SORL1: variants seen among roughly 807,000 people sequenced by gnomAD.
SORL1 encodes sortilin related receptor 1.
SORL1 carries 127 observed loss-of-function variants against 273.7 expected under a neutral mutation model. The ratio of observed to expected loss-of-function variants is 0.46; its 90% CI spans 0.40 to 0.54. SORL1 has a LOEUF of 0.54. SORL1 is among the 20% of genes least tolerant of loss of function. The probability of loss-of-function intolerance (pLI) is 0.00; values close to 1 mark genes in which losing one functional copy is unlikely to be tolerated. For missense variants in SORL1, 2,494 were observed against 2,846.1 expected (o/e 0.88, Z 2.81); for synonymous variants, 1,031 against 1,067.4 (o/e 0.97, Z 0.66).
At chr11:121,619,273 A>T (rs905712345) in intron 42 of SORL1, among the ~76,000 whole-genome samples, 2 of 152,238 alleles carry the variant, frequency 1.3e-5, no homozygotes, top group African/African-American at 4.8e-5. Context: ...AAGCAACTTA[A>T]ATGTCTATGA....
chr11:121,549,441 G>A (rs1862476327), intron 14 of SORL1, among the ~76,000 whole-genome samples: 1 of 151,930 alleles, frequency 6.6e-6, no homozygotes, highest in Admixed American at 6.6e-5. Context: ...TGCCCATGTT[G>A]GTCTGGAGCT....
At chr11:121,580,701 C>T (rs900319416) in intron 25 of SORL1, among the ~76,000 whole-genome samples, 4 of 149,138 alleles carry the variant, frequency 2.7e-5, no homozygotes, top group African/African-American at 9.9e-5. Flanking sequence ...ACCTCCTGGG[C>T]TCAATCCATC....
At chr11:121,498,312 A>G (rs1213952942) in intron 6 of SORL1, among the ~76,000 whole-genome samples, 1 of 152,218 alleles carries the variant, frequency 6.6e-6, no homozygotes, top group African/African-American at 2.4e-5. Context: ...ATCAGGCCCA[A>G]GCACTGGTGC....
intron 41 of SORL1, among the ~76,000 whole-genome samples, chr11:121,617,142 G>C (rs941229110): frequency 6.6e-6 from 1 of 152,324 alleles, no homozygotes; most frequent in East Asian, 1.9e-4. Context: ...AGGGGAAATA[G>C]ATGACAGATG....
chr11:121,552,466 C>T (rs1019648151), intron 16 of SORL1, among the ~76,000 whole-genome samples: 1 of 152,124 alleles, frequency 6.6e-6, no homozygotes, highest in East Asian at 1.9e-4. Flanking sequence ...AAAAAAAGCC[C>T]AGAGTGACAG....
intron 6 of SORL1, among the ~76,000 whole-genome samples, chr11:121,510,627 A>G (rs1461157496): frequency 6.6e-6 from 1 of 152,184 alleles, no homozygotes; most frequent in East Asian, 1.9e-4. Flanking sequence ...ATTGACTAGT[A>G]CTTAGTCACG....
In SORL1 at chr11:121,550,187, T is replaced by C; in HGVS notation, c.2180+99T>C. 7.8e-7 allele frequency: 1 copy of C among 1,280,878 alleles called. No homozygotes were observed. Among genetic ancestry groups the C allele is most frequent in the East Asian group, 2.6e-5 (1 of 39,080 alleles). 79.3% of individuals were successfully genotyped at this position (1,280,878 alleles called of 1,614,324 possible). On this transcript the variant is annotated intron_variant, in intron 15 of 47. Transcript: ENST00000260197. The surrounding 1 kb of genome is among the most constrained non-coding windows in gnomAD (Gnocchi z 5.3). ...CTGGATTGCTCTACACTCGAAATTC[T>C]AGAATTCCAAGTTAACAGCCTGCAA...
At chr11:121,493,404 C>A (rs112513099) in intron 5 of SORL1, among the ~76,000 whole-genome samples, 67 of 152,018 alleles carry the variant, frequency 4.4e-4, no homozygotes, top group African/African-American at 1.6e-3. Context: ...TTACAGGCAC[C>A]CACCACCATG....
Position 121,568,348 on chromosome 11 carries a change from A to T in SORL1, c.3223+1235A>T, listed in dbSNP as rs537850525. Among the ~76,000 whole-genome samples, 34 of 152,366 alleles carry T rather than the reference A, an allele frequency of 2.2e-4. 1 individual carries two copies. Among genetic ancestry groups the T allele is most frequent in the African/African-American group, 8.2e-4 (34 of 41,590 alleles). On this transcript the variant is annotated intron_variant, in intron 22 of 47. Coordinates refer to ENST00000260197, the MANE Select transcript of SORL1 (RefSeq NM_003105.6). The stretch of plus-strand genomic sequence containing the variant: ...CAAGAGACTTTCTTTCAGGCTATGG[A>T]TACAATCTTAAAACTGTTTGGAAAG...
rs1459186752 is a variant in SORL1, at chr11:121,604,178, C to G, written c.4520-15C>G. ...GCCCCTCCCCGTGGACTTAAGAAGC[C>G]TCTCTGTGTTTCAGCCACACACAGC... On this transcript the variant is annotated splice_polypyrimidine_tract_variant and intron_variant, in intron 32 of 47. Transcript: ENST00000260197. 6.2e-7 allele frequency: 1 copy of G among 1,613,652 alleles called. No individual in the cohort carries two copies. Among genetic ancestry groups the G allele is most frequent in the Admixed American group, 1.7e-5 (1 of 60,024 alleles).
intron 32 of SORL1, among the ~76,000 whole-genome samples, chr11:121,599,397 AG>A (rs1246879558): frequency 5.9e-5 from 9 of 152,354 alleles, no homozygotes; most frequent in Admixed American, 3.3e-4. Flanking sequence ...ATGTAAAATT[AG>A]CTGGGCATGG....
At chr11:121,496,090 G>A (rs868187594) in intron 5 of SORL1, among the ~76,000 whole-genome samples, 1 of 152,244 alleles carries the variant, frequency 6.6e-6, no homozygotes, top group African/African-American at 2.4e-5. Flanking sequence ...GCAGAGGGAT[G>A]TTATTGCTAG....
chr11:121,557,428 A>G (rs375361084), intron 19 of SORL1, 23 bp downstream of exon 19: 35 of 1,552,972 alleles, frequency 2.3e-5, no homozygotes, highest in Non-Finnish European at 2.8e-5. Context: ...CCAAAAGGAA[A>G]TCAGTCTTGC....
chr11:121,572,021 A>G (rs1862852093), intron 23 of SORL1, among the ~76,000 whole-genome samples: 1 of 152,272 alleles, frequency 6.6e-6, no homozygotes, highest in African/African-American at 2.4e-5. Flanking sequence ...TTTATTACAT[A>G]TCTGGGTGGG....
At chr11:121,489,607 C>T (rs1409178375) in intron 4 of SORL1, among the ~76,000 whole-genome samples, 2 of 152,168 alleles carry the variant, frequency 1.3e-5, no homozygotes, top group African/African-American at 4.8e-5. Flanking sequence ...CCACATTTTG[C>T]TTATTTGCTT....
rs369636020 is a variant in SORL1 at position 121,611,139 on chromosome 11, C to T, written c.5303C>T (p.Thr1768Ile). ...YGENYLSFTL[T>I]MESDIKVNGY... ...GAAAATTATCTAAGCTTCACCCTGA[C>T]CATGGAGAGTGATATCAAGGTAATG... The change falls in exon 39 of 48, where the codon ACC (threonine) becomes ATC (isoleucine). Residue 1768 changes from threonine to isoleucine, a missense_variant. Coordinates refer to ENST00000260197, the MANE Select transcript of SORL1 (RefSeq NM_003105.6). The T allele has an allele frequency of 3.2e-5, 51 of 1,610,758 alleles. No individual in the cohort carries two copies. Among genetic ancestry groups the T allele is most frequent in the African/African-American group, 4.0e-5 (3 of 74,806 alleles).
Position 121,591,169 on chromosome 11 carries a change from C to G in SORL1, c.4369+13C>G. On this transcript the variant is annotated intron_variant, in intron 31 of 47. Transcript: ENST00000260197. ...TGCCCCTTGCTTGGTGAGTTCTGGCCCAGGTCCTCTCCTGTGGTACCTGCT... is the reference window on the plus strand; with the variant it reads ...TGCCCCTTGCTTGGTGAGTTCTGGCGCAGGTCCTCTCCTGTGGTACCTGCT... 6.2e-7 allele frequency: 1 copy of G among 1,613,952 alleles called. No individual in the cohort carries two copies. The highest frequency in any genetic ancestry group is 8.5e-7 in the Non-Finnish European group (1 of 1,179,892).
intron 10 of SORL1, 88 bp from the exon 11 acceptor site, chr11:121,522,828 C>T: frequency 5.1e-6 from 7 of 1,369,000 alleles, no homozygotes; most frequent in Non-Finnish European, 7.3e-6. Context: ...TTCTTAGTTG[C>T]TAGATACTAC....
intron 21 of SORL1, 52 bp from the exon 22 acceptor site, chr11:121,566,888 C>CCTCCCTCAT: frequency 6.5e-7 from 1 of 1,533,730 alleles, no homozygotes. Flanking sequence ...GTATTCAGTA[C>CCTCCCTCAT]CTCCCTCATG....
Sources: gnomAD v4.1 joint callset for allele counts (sites outside exome capture counted in the v4.1 genomes callset) on GRCh38, gnomAD v4.1.1 for gene constraint, Gnocchi (gnomAD v3.1) non-coding constraint, MANE v1.5 for transcripts, NCBI Gene and HGNC (gene_info 2026-07-23, HGNC 2026-07-21) for gene names.